The following PRMT8 variants were observed in gnomAD, a reference collection of about 807,000 sequenced individuals.
PRMT8 encodes the protein protein arginine N-methyltransferase 8.
A neutral mutation model predicts 47.1 loss-of-function variants in PRMT8; 7 were observed. The observed-to-expected ratio is 0.15, with a 90% CI of 0.08 to 0.28. The LOEUF is 0.28. Ranked by LOEUF, PRMT8 falls within the 10% of genes least tolerant of loss-of-function variation. The pLI is 1.00. For synonymous variants in PRMT8, 188 were observed against 186.5 expected (o/e 1.01, Z -0.07); for missense variants, 237 against 505.4 (o/e 0.47, Z 5.09).
At chr12:3,454,539 G>A (rs1182500952) in intron 1 of PRMT8, among the ~76,000 whole-genome samples, 1 of 152,186 alleles carries the variant, frequency 6.6e-6, no homozygotes, top group East Asian at 1.9e-4. Flanking sequence ...CTGGAGGAGA[G>A]AGGAGGAGCA....
chr12:3,540,120 C>T (rs1180770654), intron 1 of PRMT8, among the ~76,000 whole-genome samples: 1 of 152,118 alleles, frequency 6.6e-6, no homozygotes, highest in African/African-American at 2.4e-5. Flanking sequence ...CCATTTTATT[C>T]CCATTTTAGA....
intron 1 of PRMT8, among the ~76,000 whole-genome samples, chr12:3,429,200 T>A (rs936023391): frequency 3.3e-4 from 50 of 152,270 alleles, no homozygotes; most frequent in African/African-American, 1.1e-3. Context: ...CAGGAACTGG[T>A]CTGGGTGCCC....
intron 2 of PRMT8, among the ~76,000 whole-genome samples, chr12:3,543,039 G>A (rs941435376): frequency 2.0e-5 from 3 of 152,200 alleles, no homozygotes; most frequent in Non-Finnish European, 4.4e-5. Flanking sequence ...TTGTGCATAC[G>A]TATATATAAA....
intron 1 of PRMT8, among the ~76,000 whole-genome samples, chr12:3,448,192 G>A (rs1864877958): frequency 6.6e-6 from 1 of 152,062 alleles, no homozygotes; most frequent in South Asian, 2.1e-4. Context: ...TTTTGTAGAG[G>A]TGGGGTCTTG....
chr12:3,446,490 C>G (rs780072540), intron 1 of PRMT8, among the ~76,000 whole-genome samples: 5 of 152,154 alleles, frequency 3.3e-5, no homozygotes, highest in Admixed American at 1.3e-4. Flanking sequence ...AAACACCAGC[C>G]GAGGTTGCCA....
At chr12:3,505,465 G>A (rs1865608642) in intron 1 of PRMT8, among the ~76,000 whole-genome samples, 1 of 152,196 alleles carries the variant, frequency 6.6e-6, no homozygotes, top group South Asian at 2.1e-4. Context: ...GCTTCCCAGG[G>A]TCTTTATCAT....
chr12:3,426,127 G>A (rs1221292058), intron 1 of PRMT8, among the ~76,000 whole-genome samples: 1 of 152,214 alleles, frequency 6.6e-6, no homozygotes, highest in Admixed American at 6.5e-5. Flanking sequence ...GAGCTACCAT[G>A]CAGCCCATGC....
At chr12:3,574,016 G>C (rs1011533223) in intron 6 of PRMT8, 1 of 152,198 alleles carries the variant, frequency 6.6e-6, no homozygotes, top group African/African-American at 2.4e-5. Flanking sequence ...GGTGATCTGT[G>C]CTCTGAATGA....
intron 1 of PRMT8, among the ~76,000 whole-genome samples, chr12:3,430,154 T>C (rs1864658951): frequency 6.6e-6 from 1 of 152,208 alleles, no homozygotes; most frequent in South Asian, 2.1e-4. Flanking sequence ...AGGGTCGTAA[T>C]TGATTGAGCA....
In PRMT8 at chr12:3,572,352, A is replaced by T. The variant is rs1346641142; in HGVS notation, c.712+2788A>T. On this transcript the variant is annotated intron_variant, in intron 6 of 9. Transcript: ENST00000382622. This position sits in a 1 kb window ranked among gnomAD's most constrained non-coding sequence, Gnocchi z 5.9. ...TACACACATTTTCTACTATAAAGGA[A>T]ATACACAGAATTTCAAAAATGGAAG... is the stretch of plus-strand genomic sequence containing the variant. 2.6e-5 allele frequency among the ~76,000 whole-genome samples: 4 copies of T among 152,240 alleles called. No individual in the cohort carries two copies. The highest frequency in any genetic ancestry group is 5.9e-5 in the Non-Finnish European group (4 of 68,042).
At chr12:3,543,888 C>T (rs148228729) in intron 2 of PRMT8, among the ~76,000 whole-genome samples, 1 of 152,300 alleles carries the variant, frequency 6.6e-6, no homozygotes, top group Non-Finnish European at 1.5e-5. Context: ...ACCTCCCAGA[C>T]CCCAGCTCTG....
At chr12:3,446,754 C>T (rs1748955972) in intron 1 of PRMT8, among the ~76,000 whole-genome samples, 1 of 152,188 alleles carries the variant, frequency 6.6e-6, no homozygotes, top group African/African-American at 2.4e-5. Context: ...AATAGGTGGG[C>T]ACGGATTACC....
At position 3,569,634 on chromosome 12, in the gene PRMT8, C is replaced by T. The variant is rs1408096561; in HGVS notation, c.712+70C>T. On this transcript the variant is annotated intron_variant, in intron 6 of 9. Coordinates refer to ENST00000382622, the MANE Select transcript of PRMT8 (RefSeq NM_019854.5). This position sits in a 1 kb window ranked among gnomAD's most constrained non-coding sequence, Gnocchi z 8.2. ...GGGGTGGGAGGCACTCCAGTGGGCCCGAGATGAGCAGGCAGTGACATGAAC... is the reference window on the plus strand; with the variant it reads ...GGGGTGGGAGGCACTCCAGTGGGCCTGAGATGAGCAGGCAGTGACATGAAC... The T allele has an allele frequency of 6.4e-6, 8 of 1,249,940 alleles. No homozygotes were observed. Among genetic ancestry groups the T allele is most frequent in the East Asian group, 4.6e-5 (2 of 43,098 alleles). The allele number at this position is 1,249,940 out of a possible 1,614,324, so 77.4% of individuals were successfully genotyped here.
chr12:3,450,381 G>A (rs539413065), intron 1 of PRMT8, among the ~76,000 whole-genome samples: 66 of 152,270 alleles, frequency 4.3e-4, no homozygotes, highest in Non-Finnish European at 7.4e-4. Context: ...ATGTTGACAA[G>A]TCTCATTATA....
rs996733308 is a variant in PRMT8 at position 3,590,360 on chromosome 12, G to A, written c.980-1871G>A. Among the ~76,000 whole-genome samples, 7 of 152,326 alleles carry A rather than the reference G, an allele frequency of 4.6e-5. No individual in the cohort carries two copies. The South Asian group carries it at 1.4e-3, about 32-fold the overall frequency. On this transcript the variant is annotated intron_variant, in intron 8 of 9. Transcript: ENST00000382622. Reference sequence around the variant, plus strand: ...CTTGGGGTTTTGAAAGCTCTTAGAGGTCACCTGGTCTGAGTCAGTGCATGA... The same window carrying A: ...CTTGGGGTTTTGAAAGCTCTTAGAGATCACCTGGTCTGAGTCAGTGCATGA...
chr12:3,505,214 C>G (rs1865602188), intron 1 of PRMT8, among the ~76,000 whole-genome samples: 1 of 152,184 alleles, frequency 6.6e-6, no homozygotes, highest in Non-Finnish European at 1.5e-5. Flanking sequence ...ATTCGGCCAT[C>G]TTGGCTCCTC....
chr12:3,440,259 G>A lies in PRMT8; in HGVS notation c.48+58817G>A, dbSNP rs188660439. Among the ~76,000 whole-genome samples the A allele has an allele frequency of 3.5e-3, 533 of 152,232 alleles. 2 individuals carry two copies. Among genetic ancestry groups the A allele is most frequent in the African/African-American group, 0.012 (516 of 41,534 alleles). On this transcript the variant is annotated intron_variant, in intron 1 of 9. Transcript: ENST00000452611. ...GTGGATCATGAGGTCAGGAGATCGA[G>A]ACCATCCTGGCTAACATGGTGAAAC... is the stretch of plus-strand genomic sequence containing the variant.
intron 1 of PRMT8, among the ~76,000 whole-genome samples, chr12:3,412,840 C>T (rs1337476427): frequency 1.3e-5 from 2 of 152,052 alleles, no homozygotes; most frequent in African/African-American, 2.4e-5. Context: ...GTCTCGAACT[C>T]CTGACCTCAT....
intron 1 of PRMT8, chr12:3,463,628 C>T (rs1865061568): frequency 2.0e-5 from 3 of 152,342 alleles, no homozygotes; most frequent in African/African-American, 7.2e-5. Context: ...GGCTCTTGCT[C>T]TGTCACCCAG....
Sources: gnomAD v4.1 joint callset for allele counts (sites outside exome capture counted in the v4.1 genomes callset) on GRCh38, gnomAD v4.1.1 for gene constraint, Gnocchi (gnomAD v3.1) non-coding constraint, MANE v1.5 for transcripts, NCBI Gene and HGNC (gene_info 2026-07-23, HGNC 2026-07-21) for gene names.